ROBO2: variants seen among roughly 807,000 people sequenced by gnomAD.
ROBO2 encodes the protein roundabout guidance receptor 2.
In ROBO2, 53 loss-of-function variants were observed where a neutral mutation model predicts 160.8. The ratio of observed to expected loss-of-function variants is 0.33; its 90% CI spans 0.26 to 0.41. ROBO2 has a LOEUF of 0.41. Ranked by LOEUF, ROBO2 falls within the 10% of genes least tolerant of loss-of-function variation. The probability of loss-of-function intolerance (pLI) is 1.00; values close to 1 mark genes in which losing one functional copy is unlikely to be tolerated. For missense variants in ROBO2, 1,577 were observed against 1,722.4 expected (o/e 0.92, Z 1.49); for synonymous variants, 664 against 611.7 (o/e 1.09, Z -1.26).
At chr3:77,628,697 G>A (rs1007982276) in intron 23 of ROBO2, among the ~76,000 whole-genome samples, 2 of 152,150 alleles carry the variant, frequency 1.3e-5, no homozygotes, top group African/African-American at 4.8e-5. Context: ...TAGAGGAAGG[G>A]ATGTCGAAAA....
intron 2 of ROBO2, among the ~76,000 whole-genome samples, chr3:76,997,518 G>A (rs1455554002): frequency 1.3e-5 from 2 of 152,034 alleles, no homozygotes; most frequent in Admixed American, 6.6e-5. Context: ...TAATATCTTC[G>A]AACACATGGG....
At chr3:76,695,867 C>A (rs2107332206) in intron 2 of ROBO2, among the ~76,000 whole-genome samples, 1 of 152,256 alleles carries the variant, frequency 6.6e-6, no homozygotes, top group South Asian at 2.1e-4. Flanking sequence ...AATACACTGC[C>A]TCTGTCAATA....
intron 13 of ROBO2, among the ~76,000 whole-genome samples, chr3:77,569,802 T>C (rs993337348): frequency 6.6e-6 from 1 of 151,934 alleles, no homozygotes; most frequent in Non-Finnish European, 1.5e-5. Context: ...TCAGTCAAAT[T>C]ATTGGTTTAT....
At chr3:76,501,565 C>G (rs2080462974) in intron 2 of ROBO2, among the ~76,000 whole-genome samples, 1 of 152,300 alleles carries the variant, frequency 6.6e-6, no homozygotes, top group South Asian at 2.1e-4. Flanking sequence ...TGGCCTAAAT[C>G]TAATACTGCA....
Position 77,602,425 on chromosome 3 carries a change from A to G in ROBO2, c.3070A>G (p.Ile1024Val), listed in dbSNP as rs755739115. ...GCCTGATCCACAATGGAAAAGCTCA[A>G]TTCAGCAAAAAACAGATCTGATGGG... The change falls in exon 20 of 26, where the codon ATT becomes GTT. Residue 1024 changes from isoleucine (I) to valine (V), a missense_variant. Ile to Val is a conservative substitution (Grantham distance 29). Transcript: ENST00000461745. The G allele has an allele frequency of 3.7e-6, 6 of 1,614,050 alleles. No homozygotes were observed. In the South Asian group the frequency reaches 6.6e-5, roughly 18 times the overall value.
rs810233 is a variant in ROBO2 at position 77,522,527 on chromosome 3, G to A, written c.807-248G>A. 0.21 allele frequency among the ~76,000 whole-genome samples: 31,218 copies of A among 151,016 alleles called. 3,956 individuals are homozygous for A. The highest frequency in any genetic ancestry group is 0.29 in the Non-Finnish European group (19,819 of 67,362). ...AGTGCTAATTATGCCTTTGATAGTT[G>A]CGAAGTGGAAAGAATTCTATACATA... On this transcript the variant is annotated intron_variant, in intron 5 of 25. Transcript: ENST00000461745.
intron 2 of ROBO2, among the ~76,000 whole-genome samples, chr3:76,488,312 A>T (rs975205947): frequency 1.4e-4 from 21 of 152,128 alleles, no homozygotes; most frequent in Non-Finnish European, 5.9e-5. Flanking sequence ...TTCCACGCCC[A>T]TTAAGAACAT....
At chr3:75,922,422 T>C (rs1166291955) in intron 1 of ROBO2, among the ~76,000 whole-genome samples, 1 of 152,144 alleles carries the variant, frequency 6.6e-6, no homozygotes, top group Non-Finnish European at 1.5e-5. Context: ...AAAACTTTTC[T>C]ATTTCAGAGG....
At chr3:77,127,235 TGA>T (rs2075423158) in intron 2 of ROBO2, among the ~76,000 whole-genome samples, 1 of 152,210 alleles carries the variant, frequency 6.6e-6, no homozygotes, top group Non-Finnish European at 1.5e-5. Flanking sequence ...GTTTCAAATG[TGA>T]CAGTCCGGTG....
intron 16 of ROBO2, 105 bp from the exon 18 acceptor site, chr3:77,588,646 A>G: frequency 9.3e-7 from 1 of 1,074,118 alleles, no homozygotes; most frequent in Non-Finnish European, 1.4e-6. Context: ...CTAAACAAGC[A>G]TTTCCTGCCT....
chr3:76,508,335 G>A (rs982446750), intron 2 of ROBO2, among the ~76,000 whole-genome samples: 3 of 151,964 alleles, frequency 2.0e-5, no homozygotes, highest in African/African-American at 7.2e-5. Flanking sequence ...AACATGAACT[G>A]CATTCCTTAA....
At chr3:76,953,526 C>A (rs934477976) in intron 2 of ROBO2, among the ~76,000 whole-genome samples, 2 of 152,058 alleles carry the variant, frequency 1.3e-5, no homozygotes, top group African/African-American at 4.8e-5. Flanking sequence ...ATTCGAGGAC[C>A]CCAACATGTT....
chr3:77,109,429 C>A (rs909955152), intron 2 of ROBO2, among the ~76,000 whole-genome samples: 2 of 152,102 alleles, frequency 1.3e-5, no homozygotes, highest in African/African-American at 2.4e-5. Flanking sequence ...AAACCACCAC[C>A]ACAACAAAAA....
intron 2 of ROBO2, among the ~76,000 whole-genome samples, chr3:76,682,465 G>C (rs2092588319): frequency 6.6e-6 from 1 of 152,082 alleles, no homozygotes; most frequent in African/African-American, 2.4e-5. Flanking sequence ...CTGGAGTGCA[G>C]TAGCACGATC....
chr3:76,090,232 G>A (rs1028519849), intron 2 of ROBO2, among the ~76,000 whole-genome samples: 4 of 152,024 alleles, frequency 2.6e-5, no homozygotes, highest in East Asian at 1.9e-4. Flanking sequence ...AAATTGAGGC[G>A]GGCAGATCAC....
chr3:76,798,116 GAGAAAGAAGAA>G (rs1164864962), intron 2 of ROBO2, among the ~76,000 whole-genome samples: 9 of 74,580 alleles, frequency 1.2e-4, no homozygotes, highest in African/African-American at 3.4e-4. Flanking sequence ...AAAGAAAGAA[GAGAAAGAAGAA>G]AGAAAGAAGA....
At chr3:77,451,905 T>C (rs1385027857) in intron 2 of ROBO2, among the ~76,000 whole-genome samples, 1 of 152,136 alleles carries the variant, frequency 6.6e-6, no homozygotes. Context: ...GTATATCTCC[T>C]AATGCTATCC....
chr3:77,604,912 A>G (rs2094496443), intron 20 of ROBO2, among the ~76,000 whole-genome samples: 1 of 152,080 alleles, frequency 6.6e-6, no homozygotes, highest in Admixed American at 6.6e-5. Context: ...TATTTATTCA[A>G]TATATAAGTT....
At chr3:76,968,049 T>C (rs979796513) in intron 2 of ROBO2, among the ~76,000 whole-genome samples, 4 of 152,160 alleles carry the variant, frequency 2.6e-5, no homozygotes, top group Non-Finnish European at 5.9e-5. Context: ...TTTATATATA[T>C]ATTTTTTGAT....
Sources: allele counts gnomAD v4.1 joint callset (sites outside exome capture counted in the v4.1 genomes callset), GRCh38; gene constraint gnomAD v4.1.1; transcripts MANE v1.5; gene names NCBI Gene and HGNC (gene_info 2026-07-23, HGNC 2026-07-21).